The following HEMK2 variants were observed in gnomAD, a reference collection of about 807,000 sequenced individuals.
HEMK2 encodes the protein methyltransferase HEMK2.
At chr21:28,668,235 T>G in the HEMK2 span, among the ~76,000 whole-genome samples, 4 of 152,222 alleles carry the variant, frequency 2.6e-5, no homozygotes, top group African/African-American at 9.6e-5. Flanking sequence ...TTATCCCAGT[T>G]TTGCTGTGCT....
At chr21:28,632,450 A>C in the HEMK2 span, among the ~76,000 whole-genome samples, 29 of 152,338 alleles carry the variant, frequency 1.9e-4, no homozygotes, top group African/African-American at 6.5e-4. Context: ...TTAACCTTTT[A>C]TAATTAAATA....
At chr21:28,606,323 A>G in the HEMK2 span, among the ~76,000 whole-genome samples, 5 of 152,240 alleles carry the variant, frequency 3.3e-5, no homozygotes, top group Admixed American at 2.0e-4. Flanking sequence ...GGAATATATC[A>G]TTACAACTAA....
chr21:28,684,996 G>A, the HEMK2 span, among the ~76,000 whole-genome samples: 8 of 152,164 alleles, frequency 5.3e-5, no homozygotes, highest in Non-Finnish European at 1.0e-4. Flanking sequence ...TGCATGAACC[G>A]AAGTCAACTT....
chr21:28,620,023 C>G, the HEMK2 span, among the ~76,000 whole-genome samples: 6 of 152,202 alleles, frequency 3.9e-5, no homozygotes, highest in African/African-American at 1.2e-4. Context: ...ATTTGAATAC[C>G]CTTTATTTAT....
At chr21:28,721,897 C>T in the HEMK2 span, among the ~76,000 whole-genome samples, 1 of 134,104 alleles carries the variant, frequency 7.5e-6, no homozygotes, top group Admixed American at 7.8e-5. Flanking sequence ...ACATTCTTAA[C>T]CATCACACAC....
At chr21:28,686,574 T>C in the HEMK2 span, among the ~76,000 whole-genome samples, 15 of 152,194 alleles carry the variant, frequency 9.9e-5, no homozygotes, top group African/African-American at 3.6e-4. Flanking sequence ...CATAAATTTC[T>C]TTATATAGAC....
chr21:28,853,647 A>G, the HEMK2 span, among the ~76,000 whole-genome samples: 1 of 152,178 alleles, frequency 6.6e-6, no homozygotes, highest in Non-Finnish European at 1.5e-5. Context: ...CTTGCCTGGA[A>G]ACTGCCTCAG....
the HEMK2 span, among the ~76,000 whole-genome samples, chr21:28,667,391 T>C: frequency 2.6e-5 from 4 of 152,232 alleles, no homozygotes; most frequent in East Asian, 7.7e-4. Flanking sequence ...AAAAGTATTC[T>C]AAACCAAAAC....
chr21:28,639,725 GAAAT>G, the HEMK2 span, among the ~76,000 whole-genome samples: 4 of 152,178 alleles, frequency 2.6e-5, no homozygotes, highest in Non-Finnish European at 4.4e-5. Flanking sequence ...TAAGAGAATT[GAAAT>G]AAATAGTTAT....
At chr21:28,603,674 T>C in the HEMK2 span, among the ~76,000 whole-genome samples, 11 of 152,138 alleles carry the variant, frequency 7.2e-5, no homozygotes, top group African/African-American at 2.6e-4. Context: ...TTAATTCTTA[T>C]ATGACTACAA....
chr21:28,701,926 A>C, the HEMK2 span, among the ~76,000 whole-genome samples: 1 of 152,202 alleles, frequency 6.6e-6, no homozygotes, highest in African/African-American at 2.4e-5. Context: ...TCTCAATTTC[A>C]GACTGTACTA....
the HEMK2 span, among the ~76,000 whole-genome samples, chr21:28,799,129 A>G: frequency 2.0e-5 from 3 of 151,236 alleles, no homozygotes; most frequent in African/African-American, 7.4e-5. Flanking sequence ...GTTCTGTATT[A>G]GTCCATTTTT....
At chr21:28,824,512 C>T in the HEMK2 span, among the ~76,000 whole-genome samples, 6 of 152,146 alleles carry the variant, frequency 3.9e-5, no homozygotes, top group Non-Finnish European at 7.3e-5. Flanking sequence ...TTCAATTCAT[C>T]TACTGTAATG....
At chr21:28,695,518 A>G in the HEMK2 span, among the ~76,000 whole-genome samples, 3 of 152,198 alleles carry the variant, frequency 2.0e-5, no homozygotes. Context: ...TCTTACATGG[A>G]AGCAGGCAAG....
chr21:28,694,189 T>G, the HEMK2 span, among the ~76,000 whole-genome samples: 409 of 152,340 alleles, frequency 2.7e-3, 5 homozygotes, highest in African/African-American at 9.5e-3. Context: ...CCAAGTACAC[T>G]CTGAGGCTTA....
the HEMK2 span, among the ~76,000 whole-genome samples, chr21:28,613,093 T>C: frequency 2.0e-5 from 3 of 147,862 alleles, no homozygotes; most frequent in Non-Finnish European, 1.5e-5. Flanking sequence ...GATAGATAGA[T>C]AGAAAGATAG....
At chr21:28,703,796 A>G in the HEMK2 span, among the ~76,000 whole-genome samples, 1 of 152,184 alleles carries the variant, frequency 6.6e-6, no homozygotes, top group Non-Finnish European at 1.5e-5. Flanking sequence ...GTCCCGTGTA[A>G]AATTTATTGG....
the HEMK2 span, among the ~76,000 whole-genome samples, chr21:28,871,128 T>C: frequency 6.6e-6 from 1 of 152,248 alleles, no homozygotes; most frequent in Non-Finnish European, 1.5e-5. Context: ...GCAATTTTCC[T>C]GGACACAATT....
chr21:28,733,045 T>G, the HEMK2 span, among the ~76,000 whole-genome samples: 4 of 152,104 alleles, frequency 2.6e-5, no homozygotes, highest in Non-Finnish European at 5.9e-5. Flanking sequence ...TTTGGGAGGC[T>G]GAGGCGGGTG....
Sources: gnomAD v4.1 joint callset for allele counts (sites outside exome capture counted in the v4.1 genomes callset) on GRCh38, gnomAD v4.1.1 for gene constraint, MANE v1.5 for transcripts, NCBI Gene and HGNC (gene_info 2026-07-23, HGNC 2026-07-21) for gene names.